Variants in PLCB1 observed in about 807,000 individuals in gnomAD.
The protein encoded by PLCB1 is 1-phosphatidylinositol 4,5-bisphosphate phosphodiesterase beta-1.
Under a neutral mutation model 161.8 loss-of-function variants are expected in PLCB1, and 46 were observed. The ratio of observed to expected loss-of-function variants is 0.28; its 90% CI spans 0.22 to 0.36. The LOEUF (loss-of-function observed/expected upper bound fraction) is 0.36. Ranked by LOEUF, PLCB1 falls within the 10% of genes least tolerant of loss-of-function variation. The probability of loss-of-function intolerance (pLI) is 1.00; values close to 1 mark genes in which losing one functional copy is unlikely to be tolerated. For synonymous variants in PLCB1, 517 were observed against 503.7 expected (o/e 1.03, Z -0.35); for missense variants, 1,016 against 1,472.5 (o/e 0.69, Z 5.07).
chr20:8,388,762 C>T (rs948316953), intron 3 of PLCB1, among the ~76,000 whole-genome samples: 3 of 151,806 alleles, frequency 2.0e-5, no homozygotes, highest in African/African-American at 7.3e-5. Flanking sequence ...TGTGTGTGTG[C>T]GTGCATGTGT....
intron 2 of PLCB1, among the ~76,000 whole-genome samples, chr20:8,286,006 C>T (rs1983100998): frequency 6.6e-6 from 1 of 152,116 alleles, no homozygotes; most frequent in South Asian, 2.1e-4. Flanking sequence ...TATAAGGAAT[C>T]CAAGAAGCAT....
At chr20:8,621,891 T>C (rs1988195079) in intron 3 of PLCB1, among the ~76,000 whole-genome samples, 1 of 152,216 alleles carries the variant, frequency 6.6e-6, no homozygotes, top group Admixed American at 6.5e-5. Flanking sequence ...CTGTGTTAGT[T>C]TGCAGATTAA....
intron 19 of PLCB1, among the ~76,000 whole-genome samples, chr20:8,733,659 G>C (rs929869421): frequency 2.7e-5 from 4 of 150,906 alleles, no homozygotes; most frequent in Non-Finnish European, 4.4e-5. Context: ...GGAGCGGGGA[G>C]GGATAGCATT....
At chr20:8,769,222 C>T (rs1600311528) in intron 26 of PLCB1, among the ~76,000 whole-genome samples, 2 of 151,924 alleles carry the variant, frequency 1.3e-5, no homozygotes, top group African/African-American at 4.8e-5. Flanking sequence ...TAAGACATTG[C>T]TCTTAAGTAT....
At chr20:8,256,603 A>AT (rs1981431409) in intron 2 of PLCB1, 2 of 152,276 alleles carry the variant, frequency 1.3e-5, no homozygotes, top group East Asian at 3.9e-4. Context: ...ATAATCTCCA[A>AT]TTTTTTGATG....
intron 1 of PLCB1, among the ~76,000 whole-genome samples, chr20:8,139,144 T>C (rs1238271605): frequency 2.2e-5 from 3 of 136,928 alleles, no homozygotes; most frequent in Non-Finnish European, 4.5e-5. Context: ...TAGAGTGCAG[T>C]GGCACCATCT....
In PLCB1 at chr20:8,882,501, C is replaced by G. The variant is rs1010373806; in HGVS notation, c.*652C>G. 2.0e-5 allele frequency: 3 copies of G among 153,412 alleles called. No homozygotes were observed. The East Asian group carries it at 5.8e-4, about 30-fold the overall frequency. The allele number at this position is 153,412 out of a possible 1,614,324, so 9.5% of individuals were successfully genotyped here. On this transcript the variant is annotated 3_prime_UTR_variant, in exon 32 of 32. Transcript: ENST00000338037. ...AAAAAATCACTTGATTGTATCCTTG[C>G]CCAGTGAAGCCATCCTAAGACTTAG...
chr20:8,184,237 A>G (rs1260394182), intron 2 of PLCB1, among the ~76,000 whole-genome samples: 3 of 152,194 alleles, frequency 2.0e-5, no homozygotes, highest in Non-Finnish European at 4.4e-5. Flanking sequence ...AATTTAATTA[A>G]CATCTTAAAT....
chr20:8,352,504 A>G (rs1042731994), intron 2 of PLCB1, among the ~76,000 whole-genome samples: 1 of 152,162 alleles, frequency 6.6e-6, no homozygotes, highest in Non-Finnish European at 1.5e-5. Flanking sequence ...AGAATTTTGC[A>G]GCACAAAAAT....
chr20:8,530,449 C>T (rs1433941181), intron 3 of PLCB1, among the ~76,000 whole-genome samples: 1 of 151,940 alleles, frequency 6.6e-6, no homozygotes, highest in African/African-American at 2.4e-5. Context: ...TCCTTTGATC[C>T]ATGAATTGTT....
At chr20:8,417,904 G>A (rs762180288) in intron 3 of PLCB1, among the ~76,000 whole-genome samples, 4 of 152,210 alleles carry the variant, frequency 2.6e-5, no homozygotes, top group Non-Finnish European at 5.9e-5. Flanking sequence ...GAAAACAAGA[G>A]GACTCCTAAG....
At chr20:8,414,285 A>G (rs1979173531) in intron 3 of PLCB1, among the ~76,000 whole-genome samples, 2 of 152,222 alleles carry the variant, frequency 1.3e-5, no homozygotes, top group Non-Finnish European at 1.5e-5. Flanking sequence ...TACTAAGGAA[A>G]GAGGACATAT....
At chr20:8,692,619 A>G (rs1054958264) in intron 10 of PLCB1, among the ~76,000 whole-genome samples, 3 of 152,190 alleles carry the variant, frequency 2.0e-5, no homozygotes, top group Non-Finnish European at 4.4e-5. Flanking sequence ...ACAGCAAGGC[A>G]CCCAGGAGCA....
intron 2 of PLCB1, among the ~76,000 whole-genome samples, chr20:8,199,233 T>C (rs755792212): frequency 2.0e-5 from 3 of 152,112 alleles, no homozygotes; most frequent in East Asian, 1.9e-4. Flanking sequence ...AGGTCTCACA[T>C]TGATGGAAAT....
intron 6 of PLCB1, among the ~76,000 whole-genome samples, chr20:8,648,521 A>G (rs2123292414): frequency 6.6e-6 from 1 of 152,326 alleles, no homozygotes; most frequent in East Asian, 1.9e-4. Flanking sequence ...TTAGTATATT[A>G]AATTGTCCAG....
intron 2 of PLCB1, among the ~76,000 whole-genome samples, chr20:8,167,595 A>C (rs1257105485): frequency 2.0e-5 from 3 of 152,234 alleles, no homozygotes; most frequent in Non-Finnish European, 4.4e-5. Flanking sequence ...GATTTAGTTC[A>C]GATTGCATTA....
intron 3 of PLCB1, among the ~76,000 whole-genome samples, chr20:8,489,164 A>AC (rs1372063248): frequency 6.6e-6 from 1 of 152,138 alleles, no homozygotes; most frequent in Admixed American, 6.5e-5. Flanking sequence ...CTAAGAGGAT[A>AC]CGTCTATTAT....
chr20:8,356,745 G>T (rs1289920208), intron 2 of PLCB1, among the ~76,000 whole-genome samples: 1 of 152,132 alleles, frequency 6.6e-6, no homozygotes, highest in East Asian at 1.9e-4. Context: ...ACCCAAATAA[G>T]CTAGGTTGTG....
At chr20:8,553,707 A>AT (rs1365560126) in intron 3 of PLCB1, among the ~76,000 whole-genome samples, 1 of 152,128 alleles carries the variant, frequency 6.6e-6, no homozygotes, top group Non-Finnish European at 1.5e-5. Flanking sequence ...AGCCTTAATA[A>AT]AACTGCTGTT....
Sources: allele counts gnomAD v4.1 joint callset (sites outside exome capture counted in the v4.1 genomes callset), GRCh38; gene constraint gnomAD v4.1.1; transcripts MANE v1.5; gene names NCBI Gene and HGNC (gene_info 2026-07-23, HGNC 2026-07-21).